ROBO1: variants seen among roughly 807,000 people sequenced by gnomAD.
ROBO1 encodes roundabout guidance receptor 1.
A neutral mutation model predicts 195.9 loss-of-function variants in ROBO1; 149 were observed. The ratio of observed to expected loss-of-function variants is 0.76; its 90% CI spans 0.67 to 0.87. The LOEUF (loss-of-function observed/expected upper bound fraction) is 0.87. Among genes scored for constraint, ROBO1 ranks in the 40% least tolerant of loss-of-function variants. The probability of loss-of-function intolerance (pLI) is 0.00; values close to 1 mark genes in which losing one functional copy is unlikely to be tolerated. For synonymous variants in ROBO1, 816 were observed against 733.2 expected, an observed-to-expected ratio of 1.11 and a Z score of -1.82; for missense variants, 1,933 against 2,068.3, an observed-to-expected ratio of 0.93 and a Z score of 1.27.
chr3:79,059,823 A>G (rs912596802), intron 3 of ROBO1, among the ~76,000 whole-genome samples: 5 of 151,978 alleles, frequency 3.3e-5, no homozygotes, highest in African/African-American at 7.2e-5. Context: ...TTATCTGTAT[A>G]AATTTTTGTA....
At chr3:79,447,910 G>C (rs1252692150) in intron 2 of ROBO1, among the ~76,000 whole-genome samples, 1 of 152,110 alleles carries the variant, frequency 6.6e-6, no homozygotes, top group Non-Finnish European at 1.5e-5. Context: ...GCTGTTACTA[G>C]TACTACATCT....
At chr3:79,761,846 T>C (rs1487700885) in intron 1 of ROBO1, among the ~76,000 whole-genome samples, 1 of 152,190 alleles carries the variant, frequency 6.6e-6, no homozygotes, top group Non-Finnish European at 1.5e-5. Context: ...TCTGACTGAA[T>C]TGGAGAGCAA....
At chr3:78,679,135 C>CT (rs1559736491) in intron 10 of ROBO1, among the ~76,000 whole-genome samples, 2 of 152,060 alleles carry the variant, frequency 1.3e-5, no homozygotes. Flanking sequence ...ACACTTCATG[C>CT]TAAAAACTCT....
intron 1 of ROBO1, among the ~76,000 whole-genome samples, chr3:79,727,775 G>T (rs1702982475): frequency 6.6e-6 from 1 of 151,912 alleles, no homozygotes; most frequent in African/African-American, 2.4e-5. Context: ...ATAAAATATT[G>T]GCCATGATTC....
chr3:79,325,392 T>C (rs1216784049), intron 2 of ROBO1, among the ~76,000 whole-genome samples: 1 of 152,220 alleles, frequency 6.6e-6, no homozygotes, highest in Non-Finnish European at 1.5e-5. Context: ...GAGGAAAGTA[T>C]GATGAACCAT....
intron 4 of ROBO1, among the ~76,000 whole-genome samples, chr3:78,825,921 CAA>C (rs1559895863): frequency 6.6e-6 from 1 of 152,150 alleles, no homozygotes; most frequent in East Asian, 1.9e-4. Flanking sequence ...GAAGTATTCA[CAA>C]AGATTACTTT....
intron 3 of ROBO1, among the ~76,000 whole-genome samples, chr3:78,968,271 CTTT>C (rs35361494): frequency 1.1e-4 from 13 of 119,422 alleles, no homozygotes; most frequent in South Asian, 2.8e-4. Context: ...TGTATAGATT[CTTT>C]TTTTTTTTTT....
chr3:78,667,861 G>A (rs1313738232), intron 14 of ROBO1, 22 bp downstream of exon 14: 1 of 1,608,864 alleles, frequency 6.2e-7, no homozygotes, highest in Non-Finnish European at 8.5e-7. Flanking sequence ...GGTGTCACAG[G>A]TTTAAGTAAA....
At position 79,386,816 on chromosome 3, in the gene ROBO1, A is replaced by G. The variant is rs548864958; in HGVS notation, c.88+203008T>C. On this transcript the variant is annotated intron_variant, in intron 2 of 30. Transcript: ENST00000464233. Reference sequence around the variant, plus strand: ...GCTTTATTCCTCAGTGCAGTGGAGTACCCACACTCTACAGAATATGAAAGC... The same window carrying G: ...GCTTTATTCCTCAGTGCAGTGGAGTGCCCACACTCTACAGAATATGAAAGC... Among the ~76,000 whole-genome samples, 4 of 152,256 alleles carry G rather than the reference A, an allele frequency of 2.6e-5. No individual in the cohort carries two copies. The East Asian group carries it at 7.7e-4, about 29-fold the overall frequency.
Position 79,350,575 on chromosome 3 carries a change from G to A in ROBO1, c.89-225036C>T, listed in dbSNP as rs75244499. Among the ~76,000 whole-genome samples the A allele has an allele frequency of 6.3e-4, 96 of 152,274 alleles. 2 individuals are homozygous for A. The East Asian group carries it at 0.017, about 27-fold the overall frequency. ...CAACTGATGAATGGATAAATAAAAT[G>A]TGGTATATCTTTATAATGGAATGTT... On this transcript the variant is annotated intron_variant, in intron 2 of 30. Coordinates refer to ENST00000464233, the MANE Select transcript of ROBO1 (RefSeq NM_002941.4).
At chr3:79,609,177 AG>A (rs1362393740) in intron 1 of ROBO1, among the ~76,000 whole-genome samples, 1 of 151,884 alleles carries the variant, frequency 6.6e-6, no homozygotes, top group Non-Finnish European at 1.5e-5. Flanking sequence ...AAACAGACTA[AG>A]ACACAATTCA....
At chr3:79,018,859 C>T (rs1365284447) in intron 3 of ROBO1, 5 of 1,003,476 alleles carry the variant, frequency 5.0e-6, no homozygotes, top group African/African-American at 3.4e-5. Flanking sequence ...GGCGCGGCGG[C>T]GGCGGCAAAG....
chr3:78,638,362 T>C (rs1444848580), intron 22 of ROBO1, among the ~76,000 whole-genome samples: 1 of 151,042 alleles, frequency 6.6e-6, no homozygotes, highest in South Asian at 2.1e-4. Flanking sequence ...ATATATATCG[T>C]GTCCTCAGGA....
chr3:79,516,824 T>C (rs561238672), intron 2 of ROBO1, among the ~76,000 whole-genome samples: 1 of 152,322 alleles, frequency 6.6e-6, no homozygotes, highest in African/African-American at 2.4e-5. Context: ...ATCTACAGGA[T>C]AGATTTCTAG....
chr3:79,053,584 T>C (rs2078745485), intron 3 of ROBO1, among the ~76,000 whole-genome samples: 1 of 151,980 alleles, frequency 6.6e-6, no homozygotes, highest in African/African-American at 2.4e-5. Flanking sequence ...CCGGTCACTT[T>C]GCCATCCATT....
chr3:78,948,609 C>T (rs919213650), intron 3 of ROBO1, among the ~76,000 whole-genome samples: 1 of 152,144 alleles, frequency 6.6e-6, no homozygotes, highest in Non-Finnish European at 1.5e-5. Flanking sequence ...GGGCACAAGA[C>T]AGGGATGCCC....
At chr3:79,073,181 A>C (rs1264330640) in intron 3 of ROBO1, among the ~76,000 whole-genome samples, 1 of 152,004 alleles carries the variant, frequency 6.6e-6, no homozygotes, top group Non-Finnish European at 1.5e-5. Flanking sequence ...AAAAGAGCCC[A>C]CCTGGTTTTA....
intron 2 of ROBO1, among the ~76,000 whole-genome samples, chr3:79,519,683 A>G (rs1941122519): frequency 6.6e-6 from 1 of 151,554 alleles, no homozygotes; most frequent in African/African-American, 2.4e-5. Flanking sequence ...TAAGTATAAT[A>G]TAATATGTTG....
chr3:79,396,921 T>C (rs575752073), intron 2 of ROBO1, among the ~76,000 whole-genome samples: 5 of 152,266 alleles, frequency 3.3e-5, no homozygotes, highest in Admixed American at 2.6e-4. Flanking sequence ...ACACAGCTCA[T>C]GCATACATTC....
Sources: allele counts gnomAD v4.1 joint callset (sites outside exome capture counted in the v4.1 genomes callset), GRCh38; gene constraint gnomAD v4.1.1; transcripts MANE v1.5; gene names NCBI Gene and HGNC (gene_info 2026-07-23, HGNC 2026-07-21).